Variants in RUFY3 observed in about 807,000 individuals in gnomAD.
The protein encoded by RUFY3 is RUN and FYVE domain containing 3, also known as protein RUFY3.
Under a neutral mutation model 84.0 loss-of-function variants are expected in RUFY3, and 34 were observed. The ratio of observed to expected loss-of-function variants is 0.40; its 90% CI spans 0.31 to 0.54. The LOEUF is 0.54. Ranked by LOEUF, RUFY3 falls within the 20% of genes least tolerant of loss-of-function variation. The probability of loss-of-function intolerance (pLI) is 0.39; values close to 1 mark genes in which losing one functional copy is unlikely to be tolerated. For synonymous variants in RUFY3, 242 were observed against 252.9 expected (o/e 0.96, Z 0.41); for missense variants, 507 against 736.8 (o/e 0.69, Z 3.61).
intron 7 of RUFY3, among the ~76,000 whole-genome samples, chr4:70,775,959 G>A (rs28490450): frequency 2.6e-4 from 29 of 110,662 alleles, no homozygotes; most frequent in African/African-American, 9.8e-4. Context: ...AAAAAAAAAC[G>A]AAAAAAAAGA....
chr4:70,711,501 C>G (rs894638999), intron 1 of RUFY3, among the ~76,000 whole-genome samples: 1 of 152,160 alleles, frequency 6.6e-6, no homozygotes, highest in Non-Finnish European at 1.5e-5. Flanking sequence ...CAATGTAGAT[C>G]AGTGTCCTCA....
intron 17 of RUFY3, among the ~76,000 whole-genome samples, chr4:70,805,192 C>T (rs898132992): frequency 6.6e-6 from 1 of 152,230 alleles, no homozygotes; most frequent in Non-Finnish European, 1.5e-5. Flanking sequence ...ACCTAGCTTT[C>T]GCTCCAAAGT....
At chr4:70,778,642 C>T (rs997191556) in intron 8 of RUFY3, among the ~76,000 whole-genome samples, 5 of 142,272 alleles carry the variant, frequency 3.5e-5, no homozygotes, top group African/African-American at 5.3e-5. Context: ...TGCAGTGGCG[C>T]GATCTTGGCT....
At chr4:70,733,171 AAAG>A (rs1381899724) in intron 1 of RUFY3, among the ~76,000 whole-genome samples, 1 of 150,020 alleles carries the variant, frequency 6.7e-6, no homozygotes, top group Non-Finnish European at 1.5e-5. Context: ...AGAGAGAAAG[AAAG>A]AAAGAAAAAT....
chr4:70,804,327 C>A, intron 16 of RUFY3, 21 bp from the exon 17 acceptor site: 1 of 1,612,218 alleles, frequency 6.2e-7, no homozygotes, highest in Admixed American at 1.7e-5. Context: ...GAAAAACTAA[C>A]CAGCTCCCTG....
intron 1 of RUFY3, among the ~76,000 whole-genome samples, chr4:70,745,758 C>T (rs567428335): frequency 1.3e-5 from 2 of 152,134 alleles, no homozygotes; most frequent in Non-Finnish European, 2.9e-5. Context: ...CACTGTGCCA[C>T]ATCGTCATTC....
chr4:70,722,547 G>A lies in RUFY3; in HGVS notation c.-27G>A, dbSNP rs772187726. 6.2e-7 allele frequency: 1 copy of A among 1,605,262 alleles called. No homozygotes were observed. The highest frequency in any genetic ancestry group is 8.5e-7 in the Non-Finnish European group (1 of 1,175,362). On this transcript the variant is annotated 5_prime_UTR_variant, in exon 1 of 18. It adds an upstream start codon to the 5' untranslated region. Transcript: ENST00000381006. ...TGTGTGAGTGTGTGTGTGTCTGTGT[G>A]TGTGTTGTGGTCCCAGCTGAGTCAT...
intron 4 of RUFY3, among the ~76,000 whole-genome samples, chr4:70,768,125 A>G (rs1323097297): frequency 6.6e-6 from 1 of 152,172 alleles, no homozygotes; most frequent in Non-Finnish European, 1.5e-5. Flanking sequence ...GCGAACCACC[A>G]TGCCGAGCTA....
intron 1 of RUFY3, among the ~76,000 whole-genome samples, chr4:70,710,990 A>C (rs1006242909): frequency 2.1e-5 from 3 of 145,036 alleles, no homozygotes; most frequent in African/African-American, 7.7e-5. Context: ...GCTTGAACCC[A>C]GGAGGCAGAG....
At chr4:70,800,353 A>G in intron 15 of RUFY3, 148 bp downstream of exon 15, 2 of 620,256 alleles carry the variant, frequency 3.2e-6, no homozygotes, top group Non-Finnish European at 5.5e-6. Flanking sequence ...GTGGAAGTTA[A>G]TAATAAAACG....
rs771043053 is a variant in RUFY3 at position 70,791,178 on chromosome 4, A to G, written c.1337+1586A>G. On this transcript the variant is annotated intron_variant, in intron 12 of 17. Coordinates refer to ENST00000381006, the MANE Select transcript of RUFY3 (RefSeq NM_001037442.4). Reference sequence around the variant, plus strand: ...CTATTTTTGTGTTTCCTGTTTATCCATTTTCTCATTCTCCTTTCACTTCAT... The same window carrying G: ...CTATTTTTGTGTTTCCTGTTTATCCGTTTTCTCATTCTCCTTTCACTTCAT... 7.9e-6 allele frequency: 12 copies of G among 1,517,026 alleles called. No homozygotes were observed. In the South Asian group the frequency reaches 1.1e-4, roughly 14 times the overall value. 94.0% of individuals were successfully genotyped at this position (1,517,026 alleles called of 1,614,324 possible). A position where few individuals can be genotyped will look rare whatever the true frequency, so the allele number is the denominator to read the frequency against.
chr4:70,722,155 A>G lies in RUFY3; in HGVS notation c.-419A>G, dbSNP rs945487349. 3.4e-5 allele frequency: 42 copies of G among 1,231,030 alleles called. No individual in the cohort carries two copies. The African/African-American group carries it at 5.9e-4, about 17-fold the overall frequency. The allele number at this position is 1,231,030 out of a possible 1,614,324, so 76.3% of individuals were successfully genotyped here. A position where few individuals can be genotyped will look rare whatever the true frequency, so the allele number is the denominator to read the frequency against. On this transcript the variant is annotated 5_prime_UTR_variant, in exon 1 of 18. Transcript: ENST00000381006. Reference sequence around the variant, plus strand: ...TTTTTCTTTTATATTTTTTTTCTGCACAAAGGAGGAGGATTTTTCACTTAC... The same window carrying G: ...TTTTTCTTTTATATTTTTTTTCTGCGCAAAGGAGGAGGATTTTTCACTTAC...
At chr4:70,711,184 C>A (rs1280195116) in intron 1 of RUFY3, among the ~76,000 whole-genome samples, 2 of 151,554 alleles carry the variant, frequency 1.3e-5, no homozygotes, top group African/African-American at 2.4e-5. Flanking sequence ...GTCTTGGACT[C>A]CTGGGCTCAG....
At chr4:70,763,691 A>G (rs745366218) in intron 3 of RUFY3, 22 bp downstream of exon 3, 1 of 1,600,068 alleles carries the variant, frequency 6.2e-7, no homozygotes. Context: ...GTTGAATTCC[A>G]TTTCTCAGGA....
chr4:70,792,052 G>A lies in RUFY3; in HGVS notation c.1338-1733G>A, dbSNP rs1212266964. ...CTCATGTTTGTCATCTTCTACCTCT[G>A]CCGTTTTCCTGCAATTCCGCTTCCT... On this transcript the variant is annotated intron_variant, in intron 12 of 17. Coordinates refer to ENST00000381006, the MANE Select transcript of RUFY3 (RefSeq NM_001037442.4). 14 of 985,380 alleles carry A rather than the reference G, an allele frequency of 1.4e-5. No homozygotes were observed. In the Admixed American group the frequency reaches 5.5e-4, roughly 39 times the overall value. The allele number at this position is 985,380 out of a possible 1,614,324, so 61.0% of individuals were successfully genotyped here.
chr4:70,798,906 T>C (rs1731867356), intron 14 of RUFY3, among the ~76,000 whole-genome samples: 1 of 151,838 alleles, frequency 6.6e-6, no homozygotes, highest in Non-Finnish European at 1.5e-5. Context: ...ATCCCAGCAC[T>C]TTGGGAGGCC....
intron 1 of RUFY3, among the ~76,000 whole-genome samples, chr4:70,746,791 A>G (rs1163914726): frequency 6.6e-6 from 1 of 152,226 alleles, no homozygotes; most frequent in African/African-American, 2.4e-5. Flanking sequence ...CAAAAAGTCA[A>G]TTTTAATGGT....
chr4:70,775,127 A>G lies in RUFY3; in HGVS notation c.759-41A>G, dbSNP rs762023491. The G allele has an allele frequency of 8.2e-6, 12 of 1,469,162 alleles. No individual in the cohort carries two copies. In the East Asian group the frequency reaches 2.8e-4, roughly 34 times the overall value. The allele number at this position is 1,469,162 out of a possible 1,614,324, so 91.0% of individuals were successfully genotyped here. On this transcript the variant is annotated intron_variant, in intron 6 of 17. Coordinates refer to ENST00000381006, the MANE Select transcript of RUFY3 (RefSeq NM_001037442.4). ...TGGGGTTGGGATCTTGGTATTTCTT[A>G]TGTTATTTATTTTATTTCTATTTTC...
chr4:70,805,057 C>T (rs1358993124), intron 17 of RUFY3, among the ~76,000 whole-genome samples: 9 of 152,088 alleles, frequency 5.9e-5, no homozygotes, highest in Non-Finnish European at 1.2e-4. Flanking sequence ...CAAAGTAGAC[C>T]AAGTCTCTGT....
Sources: gnomAD v4.1 joint callset for allele counts (sites outside exome capture counted in the v4.1 genomes callset) on GRCh38, gnomAD v4.1.1 for gene constraint, MANE v1.5 for transcripts, NCBI Gene and HGNC (gene_info 2026-07-23, HGNC 2026-07-21) for gene names.